The following PCDHA6 variants were observed in gnomAD, a reference collection of about 807,000 sequenced individuals.
PCDHA6 encodes the protein protocadherin alpha-6.
In PCDHA6, 55 loss-of-function variants were observed where a neutral mutation model predicts 60.3. The ratio of observed to expected loss-of-function variants is 0.91; its 90% CI spans 0.73 to 1.14. The LOEUF (loss-of-function observed/expected upper bound fraction) is 1.14, where lower values mean the gene tolerates loss of function less well. PCDHA6 is among the 50% of genes most tolerant of loss of function. The pLI, the probability that PCDHA6 is intolerant of heterozygous loss-of-function variation, is 0.00. For missense variants in PCDHA6, 1,327 were observed against 1,256.5 expected, an observed-to-expected ratio of 1.06 and a Z score of -0.85; for synonymous variants, 652 against 557.9, an observed-to-expected ratio of 1.17 and a Z score of -2.38.
At position 140,849,164 on chromosome 5, in the gene PCDHA6, T is replaced by G. The variant is rs2150431781; in HGVS notation, c.2394+18679T>G. 3.3e-5 allele frequency: 39 copies of G among 1,167,302 alleles called. 1 individual carries two copies. The highest frequency in any genetic ancestry group is 4.4e-5 in the Non-Finnish European group (37 of 840,698). The allele number at this position is 1,167,302 out of a possible 1,614,324, so 72.3% of individuals were successfully genotyped here. On this transcript the variant is annotated intron_variant, in intron 1 of 3. Coordinates refer to ENST00000529310, the MANE Select transcript of PCDHA6 (RefSeq NM_018909.4). The stretch of plus-strand genomic sequence containing the variant: ...CCGATGGAGGCAAACCCGAGCTGAC[T>G]GGCACCGTTCAATTACTCATCACGG...
intron 1 of PCDHA6, chr5:140,875,848 A>T: frequency 1.2e-6 from 2 of 1,614,188 alleles, no homozygotes; most frequent in East Asian, 2.2e-5. Context: ...GGTGAAGGAC[A>T]TTAACGACAA....
chr5:140,877,054 C>T (rs1226224209), intron 1 of PCDHA6: 3 of 1,612,658 alleles, frequency 1.9e-6, no homozygotes, highest in African/African-American at 2.7e-5. Flanking sequence ...CCACGAGGAG[C>T]TGGAGCTGCT....
intron 1 of PCDHA6, chr5:140,883,983 G>A (rs2059929181): frequency 6.2e-7 from 1 of 1,612,892 alleles, no homozygotes; most frequent in East Asian, 2.2e-5. Flanking sequence ...GGGGCTGGCA[G>A]CGCGGGAGGC....
At chr5:140,916,252 G>A (rs2077495466) in intron 1 of PCDHA6, among the ~76,000 whole-genome samples, 1 of 152,176 alleles carries the variant, frequency 6.6e-6, no homozygotes, top group Admixed American at 6.5e-5. Flanking sequence ...TGGACTTGGG[G>A]ACCCCAAGAG....
intron 1 of PCDHA6, among the ~76,000 whole-genome samples, chr5:140,895,617 G>T (rs782388218): frequency 6.6e-6 from 1 of 152,084 alleles, no homozygotes; most frequent in Non-Finnish European, 1.5e-5. Context: ...CTCATTGAGG[G>T]TGTTGTCTTT....
Position 140,829,111 on chromosome 5 carries a change from T to G in PCDHA6, c.1020T>G (p.Ile340Met). The G allele has an allele frequency of 6.2e-7, 1 of 1,612,018 alleles. No homozygotes were observed. The highest frequency in any genetic ancestry group is 8.5e-7 in the Non-Finnish European group (1 of 1,178,172). The change falls in exon 1 of 4, where the codon ATT becomes ATG. Residue 340 changes from isoleucine to methionine, a missense_variant. Coordinates refer to ENST00000529310, the MANE Select transcript of PCDHA6 (RefSeq NM_018909.4). ...GTCATTGCACCGTTTTAGTGAGAATTTTGGATAAAAATGATAACGTCCCTG... is the reference window on the plus strand; with the variant it reads ...GTCATTGCACCGTTTTAGTGAGAATGTTGGATAAAAATGATAACGTCCCTG... Reference protein sequence around the residue: ...MAGHCTVLVRILDKNDNVPEI... With the variant: ...MAGHCTVLVRMLDKNDNVPEI...
chr5:140,849,833 C>A, intron 1 of PCDHA6: 1 of 1,598,398 alleles, frequency 6.3e-7, no homozygotes, highest in South Asian at 1.1e-5. Context: ...TGGAGGTGGC[C>A]GACGTGAACG....
At position 140,863,955 on chromosome 5, in the gene PCDHA6, T is replaced by C. The variant is rs181544244; in HGVS notation, c.2394+33470T>C. 570 of 158,126 alleles carry C rather than the reference T, an allele frequency of 3.6e-3. 3 individuals carry two copies. The highest frequency in any genetic ancestry group is 0.014 in the Middle Eastern group (4 of 294). The allele number at this position is 158,126 out of a possible 1,614,324, so 9.8% of individuals were successfully genotyped here. ...GGCAGAGGTTGCGGTGAGCCTAGAT[T>C]AGGCCACTGCACTACAGCCTGGGAG... is the stretch of plus-strand genomic sequence containing the variant. On this transcript the variant is annotated intron_variant, in intron 1 of 3. Coordinates refer to ENST00000529310, the MANE Select transcript of PCDHA6 (RefSeq NM_018909.4).
At position 140,973,042 on chromosome 5, in the gene PCDHA6, T is replaced by C. The variant is rs78535788; in HGVS notation, c.2395-5907T>C. Among the ~76,000 whole-genome samples the C allele has an allele frequency of 5.1e-3, 779 of 152,252 alleles. 6 individuals carry two copies. Among genetic ancestry groups the C allele is most frequent in the African/African-American group, 0.018 (740 of 41,542 alleles). ...TGTTAATGAGTCACTTTGAGTACTCTAGTAGATTTGTCCAACAGTGTCTCA... is the reference window on the plus strand; with the variant it reads ...TGTTAATGAGTCACTTTGAGTACTCCAGTAGATTTGTCCAACAGTGTCTCA... On this transcript the variant is annotated intron_variant, in intron 1 of 3. Transcript: ENST00000529310.
rs782631166 is a variant in PCDHA6, at chr5:140,857,398, C to T, written c.2394+26913C>T. 1.3e-5 allele frequency: 21 copies of T among 1,598,542 alleles called. 2 individuals are homozygous for T. Among genetic ancestry groups the T allele is most frequent in the African/African-American group, 2.7e-5 (2 of 74,494 alleles). ...TGGAGGTGGCCGACGTGAACGACAA[C>T]GCGCCTGCGTTCGCGCAGTCCGAGT... On this transcript the variant is annotated intron_variant, in intron 1 of 3. Coordinates refer to ENST00000529310, the MANE Select transcript of PCDHA6 (RefSeq NM_018909.4).
intron 1 of PCDHA6, chr5:140,927,477 G>A: frequency 6.2e-7 from 1 of 1,614,118 alleles, no homozygotes; most frequent in Non-Finnish European, 8.5e-7. Flanking sequence ...ATCGCGAACA[G>A]CGCGCCACCC....
At chr5:140,982,275 A>G (rs1315034472) in intron 2 of PCDHA6, 200 bp from the exon 3 acceptor site, 3 of 951,630 alleles carry the variant, frequency 3.2e-6, no homozygotes, top group Non-Finnish European at 4.5e-6. Context: ...GGAATAGTAT[A>G]GCAGGCAATA....
chr5:140,830,998 T>TA (rs1415698100), intron 1 of PCDHA6: 3 of 152,294 alleles, frequency 2.0e-5, no homozygotes, highest in Non-Finnish European at 4.4e-5. Context: ...TCATAGTTTT[T>TA]ATCTGTGGTT....
intron 1 of PCDHA6, among the ~76,000 whole-genome samples, chr5:140,936,024 C>T (rs536876826): frequency 1.4e-4 from 22 of 151,890 alleles, no homozygotes; most frequent in African/African-American, 4.6e-4. Flanking sequence ...TCCCGAGTAG[C>T]GGGGATTACA....
In PCDHA6 at chr5:140,829,978, C is replaced by T. The variant is rs2150179032; in HGVS notation, c.1887C>T (p.Gly629=). 6.2e-7 allele frequency: 1 copy of T among 1,613,968 alleles called. No homozygotes were observed. Among genetic ancestry groups the T allele is most frequent in the South Asian group, 1.1e-5 (1 of 91,074 alleles). Residue 629 remains glycine (G), a synonymous_variant, in exon 1 of 4, where the codon GGC becomes GGT. Coordinates refer to ENST00000529310, the MANE Select transcript of PCDHA6 (RefSeq NM_018909.4). ...CGTTTCGCGTGGGGCTGTACACGGG[C>T]GAGATCAGCACCACTCGTGTCCTGG... ...RFPFRVGLYT[G]EISTTRVLDE...
chr5:140,927,401 G>A lies in PCDHA6; in HGVS notation c.2395-51548G>A, dbSNP rs782140870. On this transcript the variant is annotated intron_variant, in intron 1 of 3. Transcript: ENST00000529310. ...AGCCTAAGCCCCAGTCAGCACTTTCGCCTGGACATGGGATCGCGGGTTGAC... is the reference window on the plus strand; with the variant it reads ...AGCCTAAGCCCCAGTCAGCACTTTCACCTGGACATGGGATCGCGGGTTGAC... The A allele has an allele frequency of 1.9e-6, 3 of 1,614,192 alleles. No homozygotes were observed. Among genetic ancestry groups the A allele is most frequent in the Non-Finnish European group, 2.5e-6 (3 of 1,180,036 alleles).
At chr5:140,901,583 T>A (rs530803677) in intron 1 of PCDHA6, among the ~76,000 whole-genome samples, 6 of 152,222 alleles carry the variant, frequency 3.9e-5, no homozygotes, top group Non-Finnish European at 8.8e-5. Flanking sequence ...GCCAGTGCCA[T>A]GATGTTTTGG....
chr5:140,856,448 G>GT (rs1562509895), intron 1 of PCDHA6: 1 of 1,598,390 alleles, frequency 6.3e-7, no homozygotes, highest in East Asian at 2.2e-5. Flanking sequence ...CAGGTTCTCC[G>GT]TAACAGAACA....
Position 140,829,550 on chromosome 5 carries a change from A to G in PCDHA6, c.1459A>G (p.Asn487Asp). 1.2e-6 allele frequency: 2 copies of G among 1,612,876 alleles called. No homozygotes were observed. The highest frequency in any genetic ancestry group is 1.3e-5 in the African/African-American group (1 of 75,026). Residue 487 changes from asparagine to aspartate, a missense_variant, in exon 1 of 4, where the codon AAC (asparagine) becomes GAC (aspartate). Asn to Asp is a conservative substitution (Grantham distance 23). Transcript: ENST00000529310. ...VSARDADAQE[N>D]ALVSYSLVER... ...TGCGCGAGACGCGGACGCGCAGGAG[A>G]ACGCGCTGGTGTCCTACTCGCTGGT...
Sources: gnomAD v4.1 joint callset for allele counts (sites outside exome capture counted in the v4.1 genomes callset) on GRCh38, gnomAD v4.1.1 for gene constraint, MANE v1.5 for transcripts, NCBI Gene and HGNC (gene_info 2026-07-23, HGNC 2026-07-21) for gene names.